UMAD1: variants seen among roughly 807,000 people sequenced by gnomAD.
UMAD1 encodes the protein UBAP1-MVB12-associated (UMA)-domain containing protein 1.
Under a neutral mutation model 6.1 loss-of-function variants are expected in UMAD1, and 8 were observed. That is an observed-to-expected ratio of 1.30 (90% CI 0.76 to 2.35). UMAD1 has a LOEUF of 2.35. Ranked by LOEUF, UMAD1 falls within the 30% of genes most tolerant of loss-of-function variation. The probability of loss-of-function intolerance (pLI) is 0.00; values close to 1 mark genes in which losing one functional copy is unlikely to be tolerated. For synonymous variants in UMAD1, 56 were observed against 31.4 expected (o/e 1.78, Z -2.61); for missense variants, 130 against 78.4 (o/e 1.66, Z -2.49).
At chr7:7,757,769 G>C (rs1451655948) in intron 2 of UMAD1, among the ~76,000 whole-genome samples, 1 of 152,168 alleles carries the variant, frequency 6.6e-6, no homozygotes, top group Non-Finnish European at 1.5e-5. Context: ...GGATTAAGTA[G>C]AGAATGCAGA....
intron 3 of UMAD1, among the ~76,000 whole-genome samples, chr7:7,820,249 A>G (rs1783216442): frequency 6.6e-6 from 1 of 152,218 alleles, no homozygotes. Context: ...GCATAGTAAT[A>G]TGAGAATGTT....
At chr7:7,728,576 G>A (rs551635271) in intron 2 of UMAD1, among the ~76,000 whole-genome samples, 35 of 151,830 alleles carry the variant, frequency 2.3e-4, no homozygotes, top group Non-Finnish European at 4.0e-4. Flanking sequence ...CCCGGGAGGC[G>A]GAGGTTGCAG....
intron 3 of UMAD1, among the ~76,000 whole-genome samples, chr7:7,818,716 G>A (rs1434592201): frequency 1.3e-5 from 2 of 152,166 alleles, no homozygotes; most frequent in Non-Finnish European, 2.9e-5. Flanking sequence ...GCACACTTAT[G>A]TTCATTGTAG....
At chr7:7,805,518 C>T (rs374715528) in intron 3 of UMAD1, among the ~76,000 whole-genome samples, 3 of 151,840 alleles carry the variant, frequency 2.0e-5, no homozygotes, top group African/African-American at 4.8e-5. Context: ...CATTCTTTCT[C>T]CTCCAGCCCA....
At chr7:7,678,884 T>C (rs368480228) in intron 2 of UMAD1, among the ~76,000 whole-genome samples, 3 of 2,788 alleles carry the variant, frequency 1.1e-3, no homozygotes, top group Admixed American at 6.2e-3. Flanking sequence ...TTTATAAACA[T>C]ATATTTATAT....
At chr7:7,853,186 A>AT (rs1563260981) in intron 3 of UMAD1, among the ~76,000 whole-genome samples, 1 of 152,188 alleles carries the variant, frequency 6.6e-6, no homozygotes, top group African/African-American at 2.4e-5. Flanking sequence ...TCATTGATCT[A>AT]TATCTCTCTG....
At chr7:7,814,534 T>C (rs1348819945) in intron 3 of UMAD1, among the ~76,000 whole-genome samples, 2 of 152,176 alleles carry the variant, frequency 1.3e-5, no homozygotes, top group Non-Finnish European at 2.9e-5. Flanking sequence ...TTTAAATTTA[T>C]TGTGAGTCTT....
intron 3 of UMAD1, among the ~76,000 whole-genome samples, chr7:7,828,497 GCTT>G (rs1460184723): frequency 6.6e-6 from 1 of 152,188 alleles, no homozygotes; most frequent in Non-Finnish European, 1.5e-5. Flanking sequence ...TCTGACTCAT[GCTT>G]CTTCTCAGAG....
Position 7,789,619 on chromosome 7 carries a change from T to TCCC in UMAD1, c.83-12049_83-12047dup, listed in dbSNP as rs200939941. Among the ~76,000 whole-genome samples the TCCC allele has an allele frequency of 4.3e-3, 627 of 145,914 alleles. 16 individuals are homozygous for TCCC. Among genetic ancestry groups the TCCC allele is most frequent in the African/African-American group, 0.015 (585 of 37,792 alleles). On this transcript the variant is annotated intron_variant, in intron 2 of 3. Transcript: ENST00000682710. Reference sequence around the variant, plus strand: ...TACTCGTTAAACAAAATACCCCTTCTCCCCTCCCCACAGACCCTGGAAACC... The same window carrying TCCC: ...TACTCGTTAAACAAAATACCCCTTCTCCCCCCCTCCCCACAGACCCTGGAAACC...
At chr7:7,649,111 T>C (rs1278093090) in intron 1 of UMAD1, among the ~76,000 whole-genome samples, 1 of 144,822 alleles carries the variant, frequency 6.9e-6, no homozygotes, top group Non-Finnish European at 1.5e-5. Flanking sequence ...TAAGCCAAGA[T>C]TGTGCCACTG....
At chr7:7,678,638 A>T (rs1779819606) in intron 2 of UMAD1, among the ~76,000 whole-genome samples, 1 of 101,830 alleles carries the variant, frequency 9.8e-6, no homozygotes, top group Non-Finnish European at 1.9e-5. Context: ...TAATTTATAG[A>T]TAAATATATA....
chr7:7,718,806 A>G (rs1462675893), intron 2 of UMAD1, among the ~76,000 whole-genome samples: 1 of 152,264 alleles, frequency 6.6e-6, no homozygotes, highest in Non-Finnish European at 1.5e-5. Flanking sequence ...CAATACCAGC[A>G]TTAGCTTTAT....
intron 2 of UMAD1, among the ~76,000 whole-genome samples, chr7:7,718,881 G>A (rs1780986371): frequency 6.8e-6 from 1 of 148,134 alleles, no homozygotes; most frequent in African/African-American, 2.6e-5. Context: ...ACAGGGTGAA[G>A]TGGGGGAAAT....
rs529562516 is a variant in UMAD1 at position 7,836,729 on chromosome 7, G to A, written c.156+34986G>A. Among the ~76,000 whole-genome samples the A allele has an allele frequency of 9.9e-5, 15 of 151,920 alleles. 1 individual carries two copies. The highest frequency in any genetic ancestry group is 3.4e-4 in the African/African-American group (14 of 41,498). ...TTAAAAACAGTTATTCAATGCATAG[G>A]TTAAAGAGTATATTAGACATAAGCA... On this transcript the variant is annotated intron_variant, in intron 3 of 3. Transcript: ENST00000682710.
At chr7:7,862,432 T>G (rs1019356465) in intron 3 of UMAD1, among the ~76,000 whole-genome samples, 1 of 152,202 alleles carries the variant, frequency 6.6e-6, no homozygotes, top group African/African-American at 2.4e-5. Context: ...AAATATGATC[T>G]TGTTGCATTA....
intron 2 of UMAD1, among the ~76,000 whole-genome samples, chr7:7,746,873 T>C (rs545746095): frequency 8.3e-4 from 127 of 152,340 alleles, no homozygotes; most frequent in African/African-American, 2.8e-3. Flanking sequence ...CTGTTTCTTA[T>C]TGCTATCTTC....
intron 2 of UMAD1, among the ~76,000 whole-genome samples, chr7:7,725,777 C>T (rs1327978721): frequency 2.0e-5 from 3 of 152,222 alleles, no homozygotes; most frequent in African/African-American, 7.2e-5. Context: ...TCCTGCCACC[C>T]TGCCTTCTCT....
chr7:7,859,670 T>C (rs528441474), intron 3 of UMAD1, among the ~76,000 whole-genome samples: 1 of 152,306 alleles, frequency 6.6e-6, no homozygotes, highest in Non-Finnish European at 1.5e-5. Context: ...GCAGGGGTCA[T>C]TGAGACTTGA....
intron 3 of UMAD1, among the ~76,000 whole-genome samples, chr7:7,810,002 A>G (rs987249529): frequency 2.0e-5 from 3 of 152,040 alleles, no homozygotes; most frequent in Non-Finnish European, 4.4e-5. Flanking sequence ...TTTTGTGTAG[A>G]AAGGAATTGG....
Sources: gnomAD v4.1 joint callset for allele counts (sites outside exome capture counted in the v4.1 genomes callset) on GRCh38, gnomAD v4.1.1 for gene constraint, MANE v1.5 for transcripts, NCBI Gene and HGNC (gene_info 2026-07-23, HGNC 2026-07-21) for gene names.